The following SCHIP1 variants were observed in gnomAD, a reference collection of about 807,000 sequenced individuals.
The protein encoded by SCHIP1 is schwannomin-interacting protein 1.
SCHIP1 carries 8 observed loss-of-function variants against 29.7 expected under a neutral mutation model. The observed-to-expected ratio is 0.27, with a 90% CI of 0.16 to 0.49. SCHIP1 has a LOEUF of 0.49. Among genes scored for constraint, SCHIP1 ranks in the 20% least tolerant of loss-of-function variants. SCHIP1 has a pLI of 0.99. For synonymous variants in SCHIP1, 76 were observed against 94.9 expected, an observed-to-expected ratio of 0.80 and a Z score of 1.16; for missense variants, 193 against 294.6, an observed-to-expected ratio of 0.66 and a Z score of 2.52.
chr3:159,526,892 A>C, the SCHIP1 span, among the ~76,000 whole-genome samples: 3 of 148,682 alleles, frequency 2.0e-5, no homozygotes, highest in Admixed American at 6.7e-5. Flanking sequence ...CTGGTGGTCC[A>C]GGACCATCTG....
chr3:159,873,710 C>G (rs553239660), intron 2 of SCHIP1, among the ~76,000 whole-genome samples: 2 of 152,152 alleles, frequency 1.3e-5, no homozygotes, highest in Non-Finnish European at 2.9e-5. Flanking sequence ...ATTATCAGCC[C>G]TTTACAAACT....
chr3:159,515,992 G>T, the SCHIP1 span, among the ~76,000 whole-genome samples: 1 of 150,906 alleles, frequency 6.6e-6, no homozygotes, highest in Non-Finnish European at 1.5e-5. Context: ...ATAAAGAATT[G>T]GGGGGGAATT....
the SCHIP1 span, among the ~76,000 whole-genome samples, chr3:159,745,167 A>G: frequency 3.9e-5 from 6 of 152,192 alleles, no homozygotes; most frequent in Non-Finnish European, 8.8e-5. Flanking sequence ...ACATGCCTCA[A>G]ATAGCTCATT....
chr3:159,483,526 CCAA>C, the SCHIP1 span, among the ~76,000 whole-genome samples: 1 of 151,994 alleles, frequency 6.6e-6, no homozygotes, highest in Non-Finnish European at 1.5e-5. Context: ...GATATGCATG[CCAA>C]CATCAGTGAC....
At chr3:159,583,527 A>G in the SCHIP1 span, among the ~76,000 whole-genome samples, 2 of 152,330 alleles carry the variant, frequency 1.3e-5, no homozygotes, top group African/African-American at 4.8e-5. Context: ...TGGATAGTGT[A>G]TAGTCACTTT....
chr3:159,525,248 C>T, the SCHIP1 span, among the ~76,000 whole-genome samples: 15 of 152,154 alleles, frequency 9.9e-5, no homozygotes, highest in South Asian at 2.1e-4. Flanking sequence ...TTCTAATACA[C>T]GATATTTCTC....
chr3:159,863,694 A>G (rs963711900), intron 1 of SCHIP1, among the ~76,000 whole-genome samples: 1 of 152,218 alleles, frequency 6.6e-6, no homozygotes, highest in African/African-American at 2.4e-5. Context: ...ATATTCTTTA[A>G]GCTTTTCTTG....
At chr3:159,533,366 T>C in the SCHIP1 span, among the ~76,000 whole-genome samples, 1 of 151,772 alleles carries the variant, frequency 6.6e-6, no homozygotes, top group Admixed American at 6.6e-5. Flanking sequence ...ATGGACAAAG[T>C]GAGGAAGGCA....
the SCHIP1 span, among the ~76,000 whole-genome samples, chr3:159,763,291 G>C: frequency 6.6e-6 from 1 of 152,096 alleles, no homozygotes; most frequent in South Asian, 2.1e-4. Flanking sequence ...GTGTATGTGC[G>C]TGTGTGAGGG....
chr3:159,886,155 G>A, intron 2 of SCHIP1, 52 bp from the exon 4 acceptor site: 1 of 1,602,718 alleles, frequency 6.2e-7, no homozygotes, highest in Non-Finnish European at 8.5e-7. Context: ...ATTGGCTGAA[G>A]CCAAATAACA....
the SCHIP1 span, among the ~76,000 whole-genome samples, chr3:159,726,789 G>C: frequency 1.3e-5 from 2 of 152,184 alleles, no homozygotes; most frequent in Non-Finnish European, 2.9e-5. Flanking sequence ...AAGCCTCTGT[G>C]CCATTTCCCA....
chr3:159,435,022 A>C, the SCHIP1 span, among the ~76,000 whole-genome samples: 1 of 152,146 alleles, frequency 6.6e-6, no homozygotes, highest in African/African-American at 2.4e-5. Context: ...GCTTGATCAC[A>C]AGCAGCTTTC....
chr3:159,312,313 G>C, the SCHIP1 span, among the ~76,000 whole-genome samples: 1 of 152,172 alleles, frequency 6.6e-6, no homozygotes, highest in Non-Finnish European at 1.5e-5. Flanking sequence ...TGGTGAGAAA[G>C]TGGTGATCTA....
chr3:159,276,586 TATTACATG>T, the SCHIP1 span, among the ~76,000 whole-genome samples: 1 of 152,246 alleles, frequency 6.6e-6, no homozygotes, highest in East Asian at 1.9e-4. Flanking sequence ...TCCTACTTTG[TATTACATG>T]ATGGACCTAA....
the SCHIP1 span, among the ~76,000 whole-genome samples, chr3:159,291,590 T>G: frequency 6.6e-6 from 1 of 152,178 alleles, no homozygotes; most frequent in African/African-American, 2.4e-5. Flanking sequence ...ATACCAAGGA[T>G]GCATCAGATT....
At chr3:159,552,174 T>C in the SCHIP1 span, among the ~76,000 whole-genome samples, 1 of 151,540 alleles carries the variant, frequency 6.6e-6, no homozygotes, top group South Asian at 2.1e-4. Context: ...GCCTCCCAAG[T>C]AGCTGGGATT....
chr3:159,778,532 T>G, the SCHIP1 span, among the ~76,000 whole-genome samples: 1 of 152,112 alleles, frequency 6.6e-6, no homozygotes, highest in Non-Finnish European at 1.5e-5. Context: ...TATTGGCCTT[T>G]GAAATTAAAA....
At chr3:159,701,589 AT>A in the SCHIP1 span, among the ~76,000 whole-genome samples, 211 of 152,234 alleles carry the variant, frequency 1.4e-3, no homozygotes, top group African/African-American at 4.8e-3. Context: ...AAAAGAAAGC[AT>A]ATTTTCTGTA....
At chr3:159,498,109 GAAATA>G in the SCHIP1 span, among the ~76,000 whole-genome samples, 1 of 152,070 alleles carries the variant, frequency 6.6e-6, no homozygotes, top group African/African-American at 2.4e-5. Flanking sequence ...ATTGTCAAAG[GAAATA>G]AGCAATGATT....
Sources: allele counts gnomAD v4.1 joint callset (sites outside exome capture counted in the v4.1 genomes callset), GRCh38; gene constraint gnomAD v4.1.1; transcripts MANE v1.5; gene names NCBI Gene and HGNC (gene_info 2026-07-23, HGNC 2026-07-21).